Variants in HS1BP3 observed in about 807,000 individuals in gnomAD.
HS1BP3 encodes HCLS1 binding protein 3, also known as HCLS1-binding protein 3.
In HS1BP3, 32 loss-of-function variants were observed where a neutral mutation model predicts 33.5. The ratio of observed to expected loss-of-function variants is 0.95; its 90% CI spans 0.72 to 1.28. HS1BP3 has a LOEUF of 1.28. Ranked by LOEUF, HS1BP3 falls within the 50% of genes most tolerant of loss-of-function variation. The probability of loss-of-function intolerance (pLI) is 0.00; values close to 1 mark genes in which losing one functional copy is unlikely to be tolerated. For missense variants in HS1BP3, 486 were observed against 502.3 expected (o/e 0.97, Z 0.31); for synonymous variants, 187 against 209.2 (o/e 0.89, Z 0.92).
chr2:20,561,138 G>A (rs749031690), intron 5 of HS1BP3, among the ~76,000 whole-genome samples: 1 of 152,294 alleles, frequency 6.6e-6, no homozygotes, highest in South Asian at 2.1e-4. Flanking sequence ...TTGCCTGGTG[G>A]TTTGCTTATT....
chr2:20,625,648 C>T (rs530679405), intron 4 of HS1BP3, among the ~76,000 whole-genome samples: 58 of 152,336 alleles, frequency 3.8e-4, no homozygotes, highest in African/African-American at 1.2e-3. Flanking sequence ...CCCACCTCCC[C>T]GGCTCCGACT....
chr2:20,577,257 G>T (rs1693423368), intron 5 of HS1BP3, among the ~76,000 whole-genome samples: 1 of 152,112 alleles, frequency 6.6e-6, no homozygotes, highest in African/African-American at 2.4e-5. Flanking sequence ...AGCTGAGTGG[G>T]GAGAGGGTGG....
chr2:20,622,240 C>T, intron 6 of HS1BP3: 2 of 1,301,932 alleles, frequency 1.5e-6, no homozygotes, highest in Non-Finnish European at 2.0e-6. Flanking sequence ...CCTGGATAGT[C>T]ACAGGGCAGA....
intron 2 of HS1BP3, among the ~76,000 whole-genome samples, chr2:20,642,400 G>A (rs1213378801): frequency 6.6e-6 from 1 of 152,224 alleles, no homozygotes; most frequent in African/African-American, 2.4e-5. Context: ...AGTCACCTGG[G>A]ACAGGTGCTG....
chr2:20,597,472 G>A (rs139347745), intron 3 of HS1BP3, among the ~76,000 whole-genome samples: 60 of 152,240 alleles, frequency 3.9e-4, no homozygotes, highest in Non-Finnish European at 7.5e-4. Flanking sequence ...CCACGTTGGC[G>A]TTCTCAGCTC....
chr2:20,637,342 A>G (rs1695167830), intron 4 of HS1BP3: 1 of 152,216 alleles, frequency 6.6e-6, no homozygotes, highest in South Asian at 2.1e-4. Context: ...GCTGATAAGG[A>G]GTGACTATTA....
intron 6 of HS1BP3, chr2:20,622,391 CG>C (rs1694633457): frequency 3.4e-6 from 4 of 1,193,992 alleles, no homozygotes; most frequent in Admixed American, 4.6e-5. Context: ...GGTGGGGGTG[CG>C]GGACCCACAC....
At chr2:20,578,523 A>G (rs1274835297) in intron 5 of HS1BP3, among the ~76,000 whole-genome samples, 2 of 152,158 alleles carry the variant, frequency 1.3e-5, no homozygotes, top group African/African-American at 2.4e-5. Context: ...AGCCCCACAC[A>G]CCACCTATAT....
intron 5 of HS1BP3, among the ~76,000 whole-genome samples, chr2:20,571,740 G>A (rs577218649): frequency 6.6e-6 from 1 of 152,176 alleles, no homozygotes; most frequent in Non-Finnish European, 1.5e-5. Context: ...CTTCCCCCAG[G>A]AGTCTTTCCC....
At chr2:20,555,554 C>T (rs555808459), downstream of HS1BP3, among the ~76,000 whole-genome samples, 7 of 152,178 alleles carry the variant, frequency 4.6e-5, no homozygotes, top group Admixed American at 3.9e-4. Flanking sequence ...CCTGAGGACC[C>T]CATGAAGACG....
Position 20,618,712 on chromosome 2 carries a change from C to A in HS1BP3, c.*275G>T. 2 of 1,257,446 alleles carry A rather than the reference C, an allele frequency of 1.6e-6. No individual in the cohort carries two copies. Among genetic ancestry groups the A allele is most frequent in the Non-Finnish European group, 1.0e-6 (1 of 998,020 alleles). The allele number at this position is 1,257,446 out of a possible 1,614,324, so 77.9% of individuals were successfully genotyped here. A position where few individuals can be genotyped will look rare whatever the true frequency, so the allele number is the denominator to read the frequency against. On this transcript the variant is annotated 3_prime_UTR_variant, in exon 7 of 7. Coordinates refer to ENST00000304031, the MANE Select transcript of HS1BP3 (RefSeq NM_022460.4). Reference sequence around the variant, plus strand: ...GCTGGGCTTCTGGTTGGCAAGGCATCCCCACACCCTCCCTCCCCTTCATGT... The same window carrying A: ...GCTGGGCTTCTGGTTGGCAAGGCATACCCACACCCTCCCTCCCCTTCATGT...
At chr2:20,586,129 C>T (rs991299431) in intron 5 of HS1BP3, 2 of 152,290 alleles carry the variant, frequency 1.3e-5, no homozygotes, top group African/African-American at 4.8e-5. Flanking sequence ...TGTGTGTGGA[C>T]TCACAGGCCC....
chr2:20,593,132 G>T (rs528589856), intron 3 of HS1BP3, among the ~76,000 whole-genome samples: 1 of 151,394 alleles, frequency 6.6e-6, no homozygotes, highest in Non-Finnish European at 1.5e-5. Context: ...CAGGGCCTTG[G>T]CAGATGCTGG....
In HS1BP3 at chr2:20,622,023, T is replaced by C. The variant is rs62122060; in HGVS notation, c.920+1873A>G. Among the ~76,000 whole-genome samples, 1,032 of 152,280 alleles carry C rather than the reference T, an allele frequency of 6.8e-3. 3 individuals are homozygous for C. The highest frequency in any genetic ancestry group is 0.012 in the Non-Finnish European group (803 of 68,016). On this transcript the variant is annotated intron_variant, in intron 6 of 6. Transcript: ENST00000304031. ...CCTGGGTTCCTGCGGAAGACAAGAC[T>C]CACCTAAACATCTAGACTAGAGGCC...
intron 1 of HS1BP3, among the ~76,000 whole-genome samples, chr2:20,650,197 G>A (rs532642739): frequency 6.6e-6 from 1 of 152,370 alleles, no homozygotes; most frequent in South Asian, 2.1e-4. Flanking sequence ...TCAACAGTTG[G>A]CTGGGTAACA....
At chr2:20,575,982 T>TTTTTG (rs1479440998) in intron 5 of HS1BP3, among the ~76,000 whole-genome samples, 31 of 150,134 alleles carry the variant, frequency 2.1e-4, no homozygotes, top group African/African-American at 7.1e-4. Context: ...CCCATTTCCA[T>TTTTTG]CTTTGTTTTG....
chr2:20,620,515 TTCC>T (rs1694563179), intron 6 of HS1BP3, among the ~76,000 whole-genome samples: 1 of 152,212 alleles, frequency 6.6e-6, no homozygotes, highest in South Asian at 2.1e-4. Flanking sequence ...AAGCTTCGGC[TTCC>T]TCATCTACAA....
At chr2:20,570,452 C>A (rs1487614631) in intron 5 of HS1BP3, among the ~76,000 whole-genome samples, 2 of 152,174 alleles carry the variant, frequency 1.3e-5, no homozygotes, top group East Asian at 3.9e-4. Flanking sequence ...TCCTGCTGAT[C>A]ATGTCTTTCC....
intron 5 of HS1BP3, among the ~76,000 whole-genome samples, chr2:20,565,873 T>A (rs1693114085): frequency 6.6e-6 from 1 of 152,220 alleles, no homozygotes; most frequent in Non-Finnish European, 1.5e-5. Context: ...GAGTCAGGGC[T>A]GGAACTGGAA....
Sources: gnomAD v4.1 joint callset for allele counts (sites outside exome capture counted in the v4.1 genomes callset) on GRCh38, gnomAD v4.1.1 for gene constraint, MANE v1.5 for transcripts, NCBI Gene and HGNC (gene_info 2026-07-23, HGNC 2026-07-21) for gene names.